PER3: variants seen among roughly 807,000 people sequenced by gnomAD.
The protein encoded by PER3 is period circadian regulator 3.
Under a neutral mutation model 127.2 loss-of-function variants are expected in PER3, and 107 were observed. The ratio of observed to expected loss-of-function variants is 0.84; its 90% CI spans 0.72 to 0.99. The LOEUF is 0.99. PER3 is among the 50% of genes least tolerant of loss of function. The pLI is 0.00. For synonymous variants in PER3, 618 were observed against 585.8 expected (o/e 1.05, Z -0.79); for missense variants, 1,560 against 1,525.8 (o/e 1.02, Z -0.37).
chr1:7,827,642 G>C lies in PER3; in HGVS notation c.2713G>C (p.Val905Leu). Reference sequence around the variant, plus strand: ...TCCAACTCTGGACCCACCCCCTTCAGTCACCAGCCAAAGGAGAGAGGAGGA... The same window carrying C: ...TCCAACTCTGGACCCACCCCCTTCACTCACCAGCCAAAGGAGAGAGGAGGA... ...MSPTLDPPPS[V>L]TSQRREEEKW... The change falls in exon 18 of 22, where the codon GTC becomes CTC. Residue 905 changes from valine to leucine, a missense_variant. Val to Leu is a conservative substitution (Grantham distance 32). Transcript: ENST00000377532. 1.1e-5 allele frequency: 17 copies of C among 1,614,134 alleles called. No individual in the cohort carries two copies. Among genetic ancestry groups the C allele is most frequent in the Non-Finnish European group, 1.4e-5 (16 of 1,180,032 alleles).
chr1:7,823,143 G>A (rs561207542), intron 16 of PER3, among the ~76,000 whole-genome samples: 6 of 152,126 alleles, frequency 3.9e-5, no homozygotes, highest in Non-Finnish European at 7.4e-5. Context: ...CTAACTATAT[G>A]CAAAGTACAA....
Position 7,837,077 on chromosome 1 carries a change from G to T in PER3, c.3477G>T (p.Gly1159=), listed in dbSNP as rs2097362184. 6.2e-7 allele frequency: 1 copy of T among 1,613,844 alleles called. No individual in the cohort carries two copies. The highest frequency in any genetic ancestry group is 1.7e-5 in the Admixed American group (1 of 59,984). ...MRQQQPQFSH[G]QKEELAKVYN... is the part of the protein sequence containing the mutation. ...AGCAGCAGCCCCAGTTTTCTCATGGGCAAAAGGAGGAGCTGGCTAAGGTGT... is the reference window on the plus strand; with the variant it reads ...AGCAGCAGCCCCAGTTTTCTCATGGTCAAAAGGAGGAGCTGGCTAAGGTGT... Residue 1159 remains glycine, a synonymous_variant, in exon 21 of 22, where the codon GGG becomes GGT. Transcript: ENST00000377532.
chr1:7,809,836 C>A lies in PER3; in HGVS notation c.1243-57C>A. ...TTTACATGATTCTAGATGAGCTCTG[C>A]GGTGGCTGCATTTGAACAGCCAGCA... On this transcript the variant is annotated intron_variant, in intron 11 of 21. Transcript: ENST00000377532. 3.3e-6 allele frequency: 5 copies of A among 1,534,566 alleles called. 1 individual carries two copies. Among genetic ancestry groups the A allele is most frequent in the Non-Finnish European group, 3.6e-6 (4 of 1,118,762 alleles).
intron 6 of PER3, among the ~76,000 whole-genome samples, chr1:7,798,198 T>C (rs2097154418): frequency 6.6e-6 from 1 of 152,194 alleles, no homozygotes; most frequent in Admixed American, 6.5e-5. Flanking sequence ...AATGAGACAG[T>C]TATGCTTGTC....
chr1:7,825,910 C>T (rs999125528), intron 16 of PER3, among the ~76,000 whole-genome samples: 2 of 142,254 alleles, frequency 1.4e-5, no homozygotes, highest in Admixed American at 1.5e-4. Context: ...AAAAAATGAA[C>T]AAATACAAAA....
intron 21 of PER3, among the ~76,000 whole-genome samples, chr1:7,840,991 G>A (rs888581290): frequency 6.6e-6 from 1 of 152,126 alleles, no homozygotes; most frequent in Non-Finnish European, 1.5e-5. Context: ...TTTTGCTATT[G>A]GTTTATTTTT....
Position 7,845,129 on chromosome 1 carries a change from A to G in PER3, c.*2374A>G, listed in dbSNP as rs1432143355. 1 of 152,400 alleles carries G rather than the reference A, an allele frequency of 6.6e-6. No homozygotes were observed. Among genetic ancestry groups the G allele is most frequent in the Non-Finnish European group, 1.5e-5 (1 of 68,056 alleles). The allele number at this position is 152,400 out of a possible 1,614,324, so 9.4% of individuals were successfully genotyped here. A position where few individuals can be genotyped will look rare whatever the true frequency, so the allele number is the denominator to read the frequency against. ...ATCATTAGTAATATTTCAGTTGGGT[A>G]TCTTTTTAAGTAAAAACAACAAATA... On this transcript the variant is annotated 3_prime_UTR_variant, in exon 22 of 22. Transcript: ENST00000377532.
chr1:7,799,051 T>G (rs1250247776), intron 7 of PER3, among the ~76,000 whole-genome samples: 2 of 152,224 alleles, frequency 1.3e-5, no homozygotes, highest in Admixed American at 1.3e-4. Flanking sequence ...TGAAGTCTTC[T>G]GAAACTCCCT....
chr1:7,809,083 T>C, intron 11 of PER3, 85 bp downstream of exon 11: 1 of 676,602 alleles, frequency 1.5e-6, no homozygotes, highest in Non-Finnish European at 2.6e-6. Context: ...AAAAATAAAC[T>C]GTAAAGGGAG....
At position 7,827,277 on chromosome 1, in the gene PER3, C is replaced by T. The variant is rs2097306109; in HGVS notation, c.2348C>T (p.Ala783Val). ...QNAQPCCPSA[A>V]SSPHTSSPTF... ...GCACAGCCCTGCTGCCCCTCCGCGGCCTCCTCTCCGCACACCTCGAGCCCG... is the reference window on the plus strand; with the variant it reads ...GCACAGCCCTGCTGCCCCTCCGCGGTCTCCTCTCCGCACACCTCGAGCCCG... The change falls in exon 18 of 22, where the codon GCC (alanine) becomes GTC (valine). Residue 783 changes from alanine to valine, a missense_variant. Ala to Val is a moderately conservative substitution (Grantham distance 64). Transcript: ENST00000377532. 6.2e-7 allele frequency: 1 copy of T among 1,613,826 alleles called. No individual in the cohort carries two copies. The highest frequency in any genetic ancestry group is 8.5e-7 in the Non-Finnish European group (1 of 1,179,884).
At chr1:7,828,895 A>T (rs2097315283) in intron 18 of PER3, among the ~76,000 whole-genome samples, 1 of 152,224 alleles carries the variant, frequency 6.6e-6, no homozygotes, top group African/African-American at 2.4e-5. Context: ...TGTTTGACAC[A>T]GTGCCTAGAA....
In PER3 at chr1:7,827,426, C is replaced by G. The variant is rs1025811284; in HGVS notation, c.2497C>G (p.His833Asp). The G allele has an allele frequency of 1.9e-6, 3 of 1,614,082 alleles. No homozygotes were observed. Among genetic ancestry groups the G allele is most frequent in the Non-Finnish European group, 2.5e-6 (3 of 1,180,030 alleles). ...CCCCGGAACTGCACCGGAAGGCCTG[C>G]ATGGGCTGCCCTTGTCCGAGGGCTT... ...AAPGTAPEGL[H>D]GLPLSEGLQP... Residue 833 changes from histidine to aspartate, a missense_variant, in exon 18 of 22, where the codon CAT becomes GAT. Around this residue, in one of 3 missense-constraint regions of PER3, gnomAD observed 1,332 missense variants for 1,223.6 expected, o/e 1.09. Transcript: ENST00000377532.
chr1:7,788,734 T>A (rs1211888002), intron 5 of PER3, among the ~76,000 whole-genome samples: 1 of 152,020 alleles, frequency 6.6e-6, no homozygotes, highest in Non-Finnish European at 1.5e-5. Context: ...TAAAACCCCA[T>A]CTGTACTAAA....
chr1:7,808,030 C>T (rs1030253779), intron 10 of PER3, among the ~76,000 whole-genome samples: 3 of 152,050 alleles, frequency 2.0e-5, no homozygotes, highest in Admixed American at 6.6e-5. Context: ...GTCAGGAGTT[C>T]AAGACCAGCC....
In PER3 at chr1:7,788,073, T is replaced by A; in HGVS notation, c.419T>A (p.Leu140Gln). The change falls in exon 5 of 22, where the codon CTG becomes CAG. Residue 140 changes from leucine to glutamine, a missense_variant. Coordinates refer to ENST00000377532, the MANE Select transcript of PER3 (RefSeq NM_001377275.1). ...TDTFVAVFSF[L>Q]SGRLVHISEQ... ...ACCTTTGTGGCAGTATTTTCATTTCTGTCTGGAAGGTTAGTGCACATTTCT... is the reference window on the plus strand; with the variant it reads ...ACCTTTGTGGCAGTATTTTCATTTCAGTCTGGAAGGTTAGTGCACATTTCT... 1 of 1,613,436 alleles carries A rather than the reference T, an allele frequency of 6.2e-7. No individual in the cohort carries two copies. Among genetic ancestry groups the A allele is most frequent in the Non-Finnish European group, 8.5e-7 (1 of 1,179,332 alleles).
chr1:7,802,874 C>T (rs2097176451), intron 8 of PER3, among the ~76,000 whole-genome samples, 173 bp from the exon 9 acceptor site: 1 of 152,252 alleles, frequency 6.6e-6, no homozygotes, highest in Non-Finnish European at 1.5e-5. Context: ...TTAGATTATA[C>T]AGCCATTTCC....
At chr1:7,809,752 A>T (rs1476140521) in intron 11 of PER3, 141 bp from the exon 12 acceptor site, 6 of 743,598 alleles carry the variant, frequency 8.1e-6, no homozygotes. Flanking sequence ...CAGCATCAGC[A>T]TTAAAAGTAC....
chr1:7,815,991 C>CAAAAAAAAAAAAA (rs34144861), intron 13 of PER3, among the ~76,000 whole-genome samples: 1 of 67,662 alleles, frequency 1.5e-5, no homozygotes, highest in Non-Finnish European at 2.5e-5. Context: ...GACTCCGTCT[C>CAAAAAAAAAAAAA]AAAAAAAAAA....
At chr1:7,809,141 C>T (rs1265684854) in intron 11 of PER3, 143 bp downstream of exon 11, 7 of 564,028 alleles carry the variant, frequency 1.2e-5, no homozygotes, top group South Asian at 2.5e-5. Context: ...TTTCTCTTTT[C>T]GTTTTTAAAT....
Sources: gnomAD v4.1 joint callset for allele counts (sites outside exome capture counted in the v4.1 genomes callset) on GRCh38, gnomAD v4.1.1 for gene constraint, gnomAD v4.1.1 regional missense constraint, MANE v1.5 for transcripts, NCBI Gene and HGNC (gene_info 2026-07-23, HGNC 2026-07-21) for gene names.